CERCAM: variants seen among roughly 807,000 people sequenced by gnomAD.
CERCAM encodes cerebral endothelial cell adhesion molecule.
CERCAM carries 59 observed loss-of-function variants against 66.0 expected under a neutral mutation model. The ratio of observed to expected loss-of-function variants is 0.89; its 90% CI spans 0.73 to 1.11. CERCAM has a LOEUF of 1.11. CERCAM is among the 50% of genes most tolerant of loss of function. CERCAM has a pLI of 0.00. For missense variants in CERCAM, 840 were observed against 828.3 expected, an observed-to-expected ratio of 1.01 and a Z score of -0.17; for synonymous variants, 318 against 343.6, an observed-to-expected ratio of 0.93 and a Z score of 0.83.
rs897522576 is a variant in CERCAM, at chr9:128,428,763, G to GC, written c.898dup (p.Arg300ProfsTer13). 2.5e-6 allele frequency: 4 copies of GC among 1,613,792 alleles called. No homozygotes were observed. Among genetic ancestry groups the GC allele is most frequent in the African/African-American group, 2.7e-5 (2 of 74,880 alleles). ...GGTGTGCTTCCCTTTGCAGTGGACG[G>GC]CCCCCGCATGCAGGCCTCAGCTCAT... On this transcript the variant is annotated frameshift_variant, in exon 7 of 13. Transcript: ENST00000372838. LOFTEE classifies it high-confidence loss of function.
intron 5 of CERCAM, 24 bp downstream of exon 5, chr9:128,424,638 A>T: frequency 1.2e-6 from 2 of 1,608,908 alleles, no homozygotes; most frequent in Non-Finnish European, 1.7e-6. Flanking sequence ...CTCCTTTAGC[A>T]TTCCTTGGAG....
Position 128,426,823 on chromosome 9 carries a change from A to ATGT in CERCAM, c.767-1475_767-1473dup, listed in dbSNP as rs1245168399. ...TAATCAGTGGCAGCCGGTAAGGAGG[A>ATGT]TGTTGTAATTCTTTGTTTTGTGCTG... is the stretch of plus-strand genomic sequence containing the variant. On this transcript the variant is annotated intron_variant, in intron 5 of 12. Coordinates refer to ENST00000372838, the MANE Select transcript of CERCAM (RefSeq NM_016174.5). 2.0e-5 allele frequency among the ~76,000 whole-genome samples: 3 copies of ATGT among 152,268 alleles called. No homozygotes were observed. In the South Asian group the frequency reaches 6.2e-4, roughly 32 times the overall value.
Position 128,428,200 on chromosome 9 carries a change from A to G in CERCAM, c.767-102A>G, listed in dbSNP as rs907451302. On this transcript the variant is annotated intron_variant, in intron 5 of 12. Transcript: ENST00000372838. ...GTGGGGAAACTGAGTCCCAGAGAAG[A>G]CTGACATGTTGGGTCACTGGCAGTG... 5.8e-5 allele frequency: 80 copies of G among 1,372,962 alleles called. No individual in the cohort carries two copies. The Admixed American group carries it at 1.9e-3, about 32-fold the overall frequency. The allele number at this position is 1,372,962 out of a possible 1,614,324, so 85.0% of individuals were successfully genotyped here. A position where few individuals can be genotyped will look rare whatever the true frequency, so the allele number is the denominator to read the frequency against.
chr9:128,435,401 TGG>T (rs967863233), intron 11 of CERCAM, among the ~76,000 whole-genome samples: 1 of 152,174 alleles, frequency 6.6e-6, no homozygotes, highest in African/African-American at 2.4e-5. Flanking sequence ...CCCAAAGTGC[TGG>T]GATTATAGGC....
At chr9:128,420,317 G>A (rs1260153660), upstream of CERCAM, 2 of 152,204 alleles carry the variant, frequency 1.3e-5, no homozygotes, top group African/African-American at 2.4e-5. The surrounding 1 kb of genome is among the most constrained non-coding windows in gnomAD (Gnocchi z 5.0). Flanking sequence ...CTGGGTCTCC[G>A]GCCCACGCGT....
intron 1 of CERCAM, 24 bp from the exon 2 acceptor site, chr9:128,422,844 A>G: frequency 6.2e-7 from 1 of 1,612,886 alleles, no homozygotes; most frequent in Non-Finnish European, 8.5e-7. Flanking sequence ...GTGCCCCCTC[A>G]GCCTTTTTTC....
chr9:128,424,761 C>T (rs955028439), intron 5 of CERCAM, 147 bp downstream of exon 5: 55 of 678,678 alleles, frequency 8.1e-5, no homozygotes, highest in Non-Finnish European at 1.2e-4. Context: ...TTTCTTTTCT[C>T]TCTCTTTTTT....
At chr9:128,426,599 G>A (rs1004921167) in intron 5 of CERCAM, among the ~76,000 whole-genome samples, 2 of 148,698 alleles carry the variant, frequency 1.3e-5, no homozygotes, top group Admixed American at 6.7e-5. Flanking sequence ...CAGCCTGGGC[G>A]ACAGAGCGAG....
Position 128,434,022 on chromosome 9 carries a change from A to G in CERCAM, c.1204-80A>G. On this transcript the variant is annotated intron_variant, in intron 9 of 12. Transcript: ENST00000372838. The surrounding 1 kb of genome is among the most constrained non-coding windows in gnomAD (Gnocchi z 4.5). ...GTGGCCAGGCCAACTGAGGCCAGGC[A>G]GAGGCTGTGAGCTTCAGCGTGGAGG... The G allele has an allele frequency of 6.4e-7, 1 of 1,560,964 alleles. No individual in the cohort carries two copies. Among genetic ancestry groups the G allele is most frequent in the African/African-American group, 1.4e-5 (1 of 73,978 alleles).
At position 128,428,913 on chromosome 9, in the gene CERCAM, C is replaced by A. The variant is rs754265845; in HGVS notation, c.964-17C>A. 8 of 1,606,376 alleles carry A rather than the reference C, an allele frequency of 5.0e-6. No homozygotes were observed. In the South Asian group the frequency reaches 6.6e-5, roughly 13 times the overall value. On this transcript the variant is annotated splice_polypyrimidine_tract_variant and intron_variant, in intron 7 of 12. Coordinates refer to ENST00000372838, the MANE Select transcript of CERCAM (RefSeq NM_016174.5). ...CCGCTCCCTTGCACTTACCGCCCAC[C>A]CCCCTGCCTCCTCCAGGTCTTTGTC...
rs368667365 is a variant in CERCAM at position 128,428,932 on chromosome 9, C to G, written c.966C>G (p.Val322=). Reference sequence around the variant, plus strand: ...GCCCACCCCCCTGCCTCCTCCAGGTCTTTGTCATCAGCCTGGCTCGCAGGC... The same window carrying G: ...GCCCACCCCCCTGCCTCCTCCAGGTGTTTGTCATCAGCCTGGCTCGCAGGC... ...KRPSKIGFDE[V]FVISLARRPD... Residue 322 remains valine, a splice_region_variant and synonymous_variant, in exon 8 of 13, where the codon GTC becomes GTG. Coordinates refer to ENST00000372838, the MANE Select transcript of CERCAM (RefSeq NM_016174.5). 76 of 1,608,838 alleles carry G rather than the reference C, an allele frequency of 4.7e-5. No individual in the cohort carries two copies. In the African/African-American group the frequency reaches 6.8e-4, roughly 14 times the overall value.
At chr9:128,422,542 T>C in intron 1 of CERCAM, 1 of 248,122 alleles carries the variant, frequency 4.0e-6, no homozygotes, top group Non-Finnish European at 8.0e-6. Context: ...CACTACAGCC[T>C]GGGCGACAGA....
intron 1 of CERCAM, chr9:128,422,007 G>C (rs1833720868): frequency 6.6e-6 from 1 of 152,320 alleles, no homozygotes; most frequent in Admixed American, 6.5e-5. Flanking sequence ...CCTTCCCCAG[G>C]AGAGGGGAGG....
rs150956383 is a variant in CERCAM, at chr9:128,429,068, G to T, written c.1070+32G>T. 4 of 1,490,262 alleles carry T rather than the reference G, an allele frequency of 2.7e-6. No homozygotes were observed. The Admixed American group carries it at 6.0e-5, about 22-fold the overall frequency. 92.3% of individuals were successfully genotyped at this position (1,490,262 alleles called of 1,614,324 possible). A position where few individuals can be genotyped will look rare whatever the true frequency, so the allele number is the denominator to read the frequency against. On this transcript the variant is annotated intron_variant, in intron 8 of 12. Coordinates refer to ENST00000372838, the MANE Select transcript of CERCAM (RefSeq NM_016174.5). ...CTGCCTGGTGGGGGGGGCCCTGTGC[G>T]CTTGGGGAAGCAGTGTGGTCCATCT...
rs7038316 is a variant in CERCAM, at chr9:128,424,122, C to T, written c.427-16C>T. 327,277 of 1,611,152 alleles carry T rather than the reference C, an allele frequency of 0.2. 38,652 individuals are homozygous for T. Among genetic ancestry groups the T allele is most frequent in the African/African-American group, 0.5 (37,567 of 74,914 alleles). On this transcript the variant is annotated splice_polypyrimidine_tract_variant and intron_variant, in intron 3 of 12. Coordinates refer to ENST00000372838, the MANE Select transcript of CERCAM (RefSeq NM_016174.5). ...GCCCAGGCAGGGCTGGAGCCTGTGA[C>T]GTCCCCTCCTCAAAGTTTGCAGACA...
At chr9:128,429,481 C>T (rs2131337014) in intron 8 of CERCAM, among the ~76,000 whole-genome samples, 1 of 152,300 alleles carries the variant, frequency 6.6e-6, no homozygotes, top group East Asian at 1.9e-4. Context: ...GCTACTGATG[C>T]GTGGGGATTA....
At chr9:128,433,309 G>T (rs185054674) in intron 9 of CERCAM, among the ~76,000 whole-genome samples, 7,718 of 150,594 alleles carry the variant, frequency 0.051, 640 homozygotes, top group African/African-American at 0.18. Context: ...AAATTAGCCC[G>T]GTGTGGTGGT....
chr9:128,431,134 C>T (rs1833964109), intron 8 of CERCAM, 37 bp from the exon 9 acceptor site: 2 of 1,606,416 alleles, frequency 1.2e-6, no homozygotes, highest in African/African-American at 1.3e-5. Flanking sequence ...GGGTCTCTGG[C>T]AGGCACCCCT....
chr9:128,420,845 C>T, upstream of CERCAM: 2 of 1,137,484 alleles, frequency 1.8e-6, no homozygotes, highest in South Asian at 3.8e-5. The surrounding 1 kb of genome is among the most constrained non-coding windows in gnomAD (Gnocchi z 5.0). Context: ...CCCGAGAGCT[C>T]CGGGGGCCGC....
Sources: allele counts gnomAD v4.1 joint callset (sites outside exome capture counted in the v4.1 genomes callset), GRCh38; gene constraint gnomAD v4.1.1; non-coding constraint Gnocchi (gnomAD v3.1); transcripts MANE v1.5; gene names NCBI Gene and HGNC (gene_info 2026-07-23, HGNC 2026-07-21).